BNC2: variants seen among roughly 807,000 people sequenced by gnomAD.
BNC2 encodes the protein zinc finger protein basonuclin-2.
Under a neutral mutation model 76.3 loss-of-function variants are expected in BNC2, and 20 were observed. That is an observed-to-expected ratio of 0.26 (90% CI 0.18 to 0.38). BNC2 has a LOEUF of 0.38. BNC2 is among the 10% of genes least tolerant of loss of function. The pLI, the probability that BNC2 is intolerant of heterozygous loss-of-function variation, is 1.00. For missense variants in BNC2, 1,382 were observed against 1,399.8 expected (o/e 0.99, Z 0.20); for synonymous variants, 582 against 514.8 (o/e 1.13, Z -1.77).
rs546773809 is a variant in BNC2 at position 16,771,222 on chromosome 9, T to C, written c.4-32737A>G. Among the ~76,000 whole-genome samples the C allele has an allele frequency of 2.0e-4, 31 of 152,294 alleles. No homozygotes were observed. The South Asian group carries it at 6.2e-3, about 31-fold the overall frequency. On this transcript the variant is annotated intron_variant, in intron 1 of 6. Transcript: ENST00000380672. ...CTAATATGGAGTGGAATGTGCTATA[T>C]CTGTCCTCAGGACAAGAGGTGGCAC...
intron 3 of BNC2, among the ~76,000 whole-genome samples, chr9:16,618,466 A>G (rs1358727311): frequency 2.0e-5 from 3 of 152,202 alleles, no homozygotes; most frequent in Admixed American, 1.3e-4. Context: ...GACTAGGGAC[A>G]CAACATCAAA....
At chr9:16,822,527 A>G (rs1029556060) in intron 1 of BNC2, among the ~76,000 whole-genome samples, 1 of 152,166 alleles carries the variant, frequency 6.6e-6, no homozygotes, top group Non-Finnish European at 1.5e-5. Context: ...CCTTTAAGGA[A>G]AAAATTTAAA....
At chr9:16,731,174 G>T (rs1824493821) in intron 2 of BNC2, among the ~76,000 whole-genome samples, 1 of 152,206 alleles carries the variant, frequency 6.6e-6, no homozygotes, top group East Asian at 1.9e-4. Context: ...TGGCTACATA[G>T]TCTGACAATT....
chr9:16,849,817 T>G (rs1304911907), intron 1 of BNC2, among the ~76,000 whole-genome samples: 1 of 152,150 alleles, frequency 6.6e-6, no homozygotes, highest in Non-Finnish European at 1.5e-5. Flanking sequence ...AACCATAACT[T>G]GCTGAAATTC....
chr9:16,867,142 T>C (rs545488503), intron 1 of BNC2, among the ~76,000 whole-genome samples: 1 of 152,284 alleles, frequency 6.6e-6, no homozygotes, highest in Admixed American at 6.5e-5. Flanking sequence ...ACAACATGTA[T>C]GAACATCCAC....
At chr9:16,732,242 G>A (rs910822949) in intron 2 of BNC2, among the ~76,000 whole-genome samples, 2 of 151,604 alleles carry the variant, frequency 1.3e-5, no homozygotes, top group Non-Finnish European at 2.9e-5. Flanking sequence ...AAACGCAAGT[G>A]AGCAAAGAAT....
intron 1 of BNC2, among the ~76,000 whole-genome samples, chr9:16,753,657 T>G (rs1374201826): frequency 1.3e-5 from 2 of 152,196 alleles, no homozygotes; most frequent in African/African-American, 4.8e-5. Flanking sequence ...GATCCAATAT[T>G]TTGTTAGACA....
intron 3 of BNC2, among the ~76,000 whole-genome samples, chr9:16,658,241 G>C (rs185127015): frequency 1.9e-4 from 29 of 151,134 alleles, no homozygotes; most frequent in African/African-American, 5.8e-4. Context: ...TTTCATATGT[G>C]TGCCATTAAG....
At chr9:16,586,101 C>A (rs958228511) in intron 3 of BNC2, among the ~76,000 whole-genome samples, 4 of 151,856 alleles carry the variant, frequency 2.6e-5, no homozygotes, top group African/African-American at 9.7e-5. Flanking sequence ...CTGCTCTTTT[C>A]TTTATACCTG....
chr9:16,458,133 T>A (rs1022972234), intron 5 of BNC2, among the ~76,000 whole-genome samples: 1 of 151,588 alleles, frequency 6.6e-6, no homozygotes, highest in Admixed American at 6.5e-5. Flanking sequence ...GAAAACATAG[T>A]CAGTCCTAAG....
chr9:16,866,111 AAT>A (rs1819537481), intron 1 of BNC2, among the ~76,000 whole-genome samples: 1 of 152,192 alleles, frequency 6.6e-6, no homozygotes, highest in Non-Finnish European at 1.5e-5. Flanking sequence ...CTAGTATATA[AAT>A]ATTAAAGTGC....
chr9:16,478,007 C>A (rs919750614), intron 5 of BNC2, among the ~76,000 whole-genome samples: 1 of 152,090 alleles, frequency 6.6e-6, no homozygotes, highest in Non-Finnish European at 1.5e-5. Context: ...CCATATCCTG[C>A]AAACAGATGA....
intron 1 of BNC2, among the ~76,000 whole-genome samples, chr9:16,758,115 A>C (rs1405401783): frequency 1.3e-5 from 2 of 152,154 alleles, no homozygotes; most frequent in South Asian, 4.1e-4. Context: ...CTCAGCTTCT[A>C]TCCGCCACCA....
At chr9:16,864,304 T>A (rs1282325673) in intron 1 of BNC2, among the ~76,000 whole-genome samples, 2 of 152,244 alleles carry the variant, frequency 1.3e-5, no homozygotes, top group African/African-American at 4.8e-5. Flanking sequence ...TGGAAAAAGA[T>A]AAACTGCTAA....
At chr9:16,676,969 C>T (rs1537001) in intron 3 of BNC2, among the ~76,000 whole-genome samples, 3 of 152,098 alleles carry the variant, frequency 2.0e-5, no homozygotes, top group Non-Finnish European at 2.9e-5. Flanking sequence ...ACATAGTTAT[C>T]TTGTTCCAAA....
At chr9:16,478,429 T>G (rs992717321) in intron 5 of BNC2, among the ~76,000 whole-genome samples, 2 of 152,212 alleles carry the variant, frequency 1.3e-5, no homozygotes, top group Non-Finnish European at 2.9e-5. Context: ...CCACCGTAAT[T>G]CTGTTGTTAA....
At chr9:16,429,052 A>G (rs184647967) in intron 6 of BNC2, among the ~76,000 whole-genome samples, 52 of 152,212 alleles carry the variant, frequency 3.4e-4, no homozygotes, top group African/African-American at 1.2e-3. Context: ...TGACATTGCA[A>G]TTTTTTGGCA....
At chr9:16,838,791 T>G (rs1315578496) in intron 1 of BNC2, among the ~76,000 whole-genome samples, 1 of 152,226 alleles carries the variant, frequency 6.6e-6, no homozygotes, top group East Asian at 1.9e-4. Context: ...CAACATTATT[T>G]ATAGTGTACT....
chr9:16,663,888 A>G (rs921493244), intron 3 of BNC2, among the ~76,000 whole-genome samples: 1 of 152,196 alleles, frequency 6.6e-6, no homozygotes, highest in African/African-American at 2.4e-5. Context: ...ATGTACTGTT[A>G]AACCTATAGA....
Sources: gnomAD v4.1 joint callset for allele counts (sites outside exome capture counted in the v4.1 genomes callset) on GRCh38, gnomAD v4.1.1 for gene constraint, MANE v1.5 for transcripts, NCBI Gene and HGNC (gene_info 2026-07-23, HGNC 2026-07-21) for gene names.